Variants in RNASET2 observed in about 807,000 individuals in gnomAD.
The protein encoded by RNASET2 is ribonuclease 6.
RNASET2 carries 28 observed loss-of-function variants against 33.9 expected under a neutral mutation model. That is an observed-to-expected ratio of 0.83 (90% confidence interval 0.61 to 1.13). The LOEUF (loss-of-function observed/expected upper bound fraction) is 1.13. RNASET2 is among the 50% of genes most tolerant of loss of function. RNASET2 has a pLI of 0.00. For missense variants in RNASET2, 330 were observed against 319.9 expected (o/e 1.03, Z -0.24); for synonymous variants, 123 against 121.0 (o/e 1.02, Z -0.11).
intron 8 of RNASET2, 152 bp downstream of exon 8, chr6:166,930,892 A>G: frequency 1.4e-6 from 1 of 711,780 alleles, no homozygotes; most frequent in East Asian, 2.6e-5. Flanking sequence ...GTACACACAC[A>G]CATGCACACA....
In RNASET2 at chr6:166,956,425, G is replaced by A; in HGVS notation, c.-243C>T. 1.8e-6 allele frequency: 1 copy of A among 563,922 alleles called. No homozygotes were observed. Among genetic ancestry groups the A allele is most frequent in the South Asian group, 2.0e-5 (1 of 49,094 alleles). 34.9% of individuals were successfully genotyped at this position (563,922 alleles called of 1,614,324 possible). A position where few individuals can be genotyped will look rare whatever the true frequency, so the allele number is the denominator to read the frequency against. ...CAGCCCTGGCGACCCGGGCCCCTCG[G>A]AGCTCCCCTTCAGGATCGTGCACCA... On this transcript the variant is annotated 5_prime_UTR_variant, in exon 1 of 9. Transcript: ENST00000508775.
intron 4 of RNASET2, among the ~76,000 whole-genome samples, chr6:166,944,548 A>G (rs936338529): frequency 2.7e-5 from 4 of 148,104 alleles, no homozygotes; most frequent in Non-Finnish European, 4.5e-5. Context: ...CTAGGGCACG[A>G]TATGATTGAG....
intron 6 of RNASET2, chr6:166,934,355 A>G (rs886086861): frequency 1.8e-6 from 1 of 564,096 alleles, no homozygotes; most frequent in African/African-American, 1.9e-5. Flanking sequence ...TGCTCCAGGC[A>G]GGTACCCTTT....
At chr6:166,930,866 AC>A (rs1778418617) in intron 8 of RNASET2, among the ~76,000 whole-genome samples, 177 bp downstream of exon 8, 1 of 151,368 alleles carries the variant, frequency 6.6e-6, no homozygotes, top group Non-Finnish European at 1.5e-5. Context: ...CACACACAGC[AC>A]ATGCACACAT....
intron 6 of RNASET2, among the ~76,000 whole-genome samples, chr6:166,936,706 A>G (rs1431131962): frequency 6.6e-6 from 1 of 152,214 alleles, no homozygotes; most frequent in African/African-American, 2.4e-5. Context: ...CCCGCAGCTC[A>G]AACACCTCCC....
chr6:166,954,719 A>T (rs1779063804), intron 1 of RNASET2, among the ~76,000 whole-genome samples: 1 of 152,260 alleles, frequency 6.6e-6, no homozygotes, highest in South Asian at 2.1e-4. Flanking sequence ...AGGTGTTTAA[A>T]AAGTAAAACC....
intron 2 of RNASET2, among the ~76,000 whole-genome samples, chr6:166,949,516 A>C (rs1583232945): frequency 6.6e-6 from 1 of 151,422 alleles, no homozygotes; most frequent in Non-Finnish European, 1.5e-5. Context: ...AAAAAAAAAA[A>C]AAAAAAAAAG....
Position 166,928,444 on chromosome 6 carries a change from G to GTTTT in RNASET2, c.*1140_*1143dup, listed in dbSNP as rs67709006. 0.051 allele frequency among the ~76,000 whole-genome samples: 7,358 copies of GTTTT among 144,640 alleles called. 261 individuals are homozygous for GTTTT. The highest frequency in any genetic ancestry group is 0.067 in the Middle Eastern group (19 of 282). 94.9% of individuals were successfully genotyped at this position (144,640 alleles called of 152,430 possible). On this transcript the variant is annotated 3_prime_UTR_variant, in exon 9 of 9. Coordinates refer to ENST00000508775, the MANE Select transcript of RNASET2 (RefSeq NM_003730.6). ...AATATTCACAGGCATTGATACAGCT[G>GTTTT]TTTTTTTTTTTTTTGTAAATTATGC...
At chr6:166,954,450 GCTGA>G (rs758780206) in intron 1 of RNASET2, among the ~76,000 whole-genome samples, 152 of 152,266 alleles carry the variant, frequency 1.0e-3, no homozygotes, top group African/African-American at 3.1e-3. Context: ...ACTCTGTGAG[GCTGA>G]CTGTTACTAT....
intron 6 of RNASET2, among the ~76,000 whole-genome samples, chr6:166,936,775 T>C (rs894863792): frequency 3.9e-5 from 6 of 152,186 alleles, no homozygotes; most frequent in Non-Finnish European, 8.8e-5. Flanking sequence ...ACCAACCACA[T>C]CCAAACCATA....
intron 8 of RNASET2, among the ~76,000 whole-genome samples, chr6:166,930,579 GCA>G (rs199824887): frequency 1.2e-4 from 17 of 145,548 alleles, no homozygotes; most frequent in African/African-American, 1.6e-4. Context: ...GCACACACAT[GCA>G]CACACACAGC....
At chr6:166,944,884 C>T (rs553831952) in intron 4 of RNASET2, among the ~76,000 whole-genome samples, 2 of 151,956 alleles carry the variant, frequency 1.3e-5, no homozygotes, top group East Asian at 2.0e-4. Flanking sequence ...CACCTGTCAG[C>T]GCTGTCCCCT....
Position 166,943,070 on chromosome 6 carries a change from C to T in RNASET2, c.281G>A (p.Arg94Lys). The T allele has an allele frequency of 6.2e-7, 1 of 1,613,236 alleles. No homozygotes were observed. Residue 94 changes from arginine (R) to lysine (K), a missense_variant, in exon 5 of 9, where the codon AGG (arginine) becomes AAG (lysine). Coordinates refer to ENST00000508775, the MANE Select transcript of RNASET2 (RefSeq NM_003730.6). The part of the protein sequence containing the change: ...EEIKDLLPEM[R>K]AYWPDVIHSF... ...GTGAATTACGTCAGGCCAGTATGCC[C>T]TCATTTCTGGCAAAAGATCCTATGC...
intron 6 of RNASET2, among the ~76,000 whole-genome samples, chr6:166,935,581 A>AT (rs2128644778): frequency 6.6e-6 from 1 of 152,348 alleles, no homozygotes; most frequent in African/African-American, 2.4e-5. Context: ...ATCTGTGTCT[A>AT]TGGGAACCCT....
In RNASET2 at chr6:166,924,119, C is replaced by T. The variant is rs188189667; in HGVS notation, c.*5469G>A. 7.8e-4 allele frequency among the ~76,000 whole-genome samples: 118 copies of T among 152,200 alleles called. No homozygotes were observed. The highest frequency in any genetic ancestry group is 1.2e-3 in the Admixed American group (19 of 15,294). On this transcript the variant is annotated 3_prime_UTR_variant, in exon 9 of 9. Coordinates refer to ENST00000508775, the MANE Select transcript of RNASET2 (RefSeq NM_003730.6). ...ATTCTCTTTTTTTCTTTTTTTGAAA[C>T]GGAGTCTTGCTCTGTCATCCAGACT...
At position 166,938,893 on chromosome 6, in the gene RNASET2, A is replaced by G; in HGVS notation, c.446+2T>C. 1 of 1,603,314 alleles carries G rather than the reference A, an allele frequency of 6.2e-7. No individual in the cohort carries two copies. Among genetic ancestry groups the G allele is most frequent in the Non-Finnish European group, 8.5e-7 (1 of 1,170,164 alleles). On this transcript the variant is annotated splice_donor_variant, in intron 6 of 8. Coordinates refer to ENST00000508775, the MANE Select transcript of RNASET2 (RefSeq NM_003730.6). LOFTEE classifies it high-confidence loss of function. ...GTGCAGCCGGGGGAAGGGCGCACCC[A>G]CCTGTTGAGGTCCAGCTCCCTGTAG...
At chr6:166,955,565 G>A (rs542059528) in intron 1 of RNASET2, 1 of 987,340 alleles carries the variant, frequency 1.0e-6, no homozygotes, top group Non-Finnish European at 1.2e-6. Context: ...AGAACTTCGA[G>A]TGCAGGAACA....
chr6:166,937,512 C>A (rs1361973255), intron 6 of RNASET2, among the ~76,000 whole-genome samples: 1 of 152,282 alleles, frequency 6.6e-6, no homozygotes, highest in South Asian at 2.1e-4. Flanking sequence ...GCTCTTACTG[C>A]AAGAAAGCAA....
chr6:166,932,710 C>A (rs1778477374), intron 7 of RNASET2: 1 of 152,260 alleles, frequency 6.6e-6, no homozygotes, highest in Non-Finnish European at 1.5e-5. Context: ...TTCTGATGCC[C>A]AAACAAGCGC....
Sources: allele counts gnomAD v4.1 joint callset (sites outside exome capture counted in the v4.1 genomes callset), GRCh38; gene constraint gnomAD v4.1.1; transcripts MANE v1.5; gene names NCBI Gene and HGNC (gene_info 2026-07-23, HGNC 2026-07-21).